ZNF536: variants seen among roughly 807,000 people sequenced by gnomAD.
ZNF536 encodes the protein zinc finger protein 536.
In ZNF536, 13 loss-of-function variants were observed where a neutral mutation model predicts 84.5. The observed-to-expected ratio is 0.15, with a 90% confidence interval of 0.10 to 0.24. The LOEUF is 0.24. ZNF536 is among the 10% of genes least tolerant of loss of function. ZNF536 has a pLI of 1.00. For missense variants in ZNF536, 1,536 were observed against 1,747.5 expected, an observed-to-expected ratio of 0.88 and a Z score of 2.16; for synonymous variants, 811 against 742.5, an observed-to-expected ratio of 1.09 and a Z score of -1.50.
At position 30,236,607 on chromosome 19, in the gene ZNF536, A is replaced by G. The variant is rs191076750; in HGVS notation, c.-190+7934A>G. Among the ~76,000 whole-genome samples the G allele has an allele frequency of 3.3e-5, 5 of 152,270 alleles. No homozygotes were observed. In the East Asian group the frequency reaches 7.7e-4, roughly 24 times the overall value. On this transcript the variant is annotated intron_variant, in intron 1 of 5. Transcript: ENST00000585628. ...TGAAGGCAGAAGAAGTACAGACAAG[A>G]TAACATGAACATTTCCATCATCTAA... is the stretch of plus-strand genomic sequence containing the variant.
At chr19:30,337,218 G>T (rs962192514) in intron 2 of ZNF536, among the ~76,000 whole-genome samples, 2 of 152,166 alleles carry the variant, frequency 1.3e-5, no homozygotes, top group African/African-American at 4.8e-5. Context: ...GAAAGCCAAG[G>T]CTGGCACTGG....
intron 1 of ZNF536, among the ~76,000 whole-genome samples, chr19:30,666,227 G>A (rs1157490674): frequency 1.7e-4 from 26 of 152,224 alleles, no homozygotes; most frequent in Admixed American, 1.7e-3. Context: ...CCTCCCAGCA[G>A]CAGGTGCACT....
chr19:30,461,937 C>G (rs1204419538), intron 2 of ZNF536, among the ~76,000 whole-genome samples: 1 of 152,130 alleles, frequency 6.6e-6, no homozygotes, highest in African/African-American at 2.4e-5. Flanking sequence ...CCACCCCCAC[C>G]CCTTCTCCAG....
At chr19:30,451,000 C>T (rs1252937581) in intron 2 of ZNF536, among the ~76,000 whole-genome samples, 3 of 152,280 alleles carry the variant, frequency 2.0e-5, no homozygotes, top group Admixed American at 1.3e-4. Flanking sequence ...TGCAGGCGGC[C>T]GCCGTGTTTG....
intron 1 of ZNF536, among the ~76,000 whole-genome samples, chr19:30,439,959 CTTTTTTT>C (rs199638233): frequency 1.8e-3 from 172 of 96,392 alleles, no homozygotes; most frequent in African/African-American, 6.8e-3. Flanking sequence ...TTCTTTCTTT[CTTTTTTT>C]TTTTTTTTTT....
chr19:30,565,316 G>T (rs966653486), intron 1 of ZNF536, among the ~76,000 whole-genome samples: 1 of 152,164 alleles, frequency 6.6e-6, no homozygotes, highest in Non-Finnish European at 1.5e-5. Context: ...CTTACCCGGG[G>T]AGAGAGCATG....
intron 1 of ZNF536, among the ~76,000 whole-genome samples, chr19:30,264,392 CCTCTGT>C: frequency 1.2e-5 from 1 of 82,156 alleles, no homozygotes; most frequent in East Asian, 1.1e-3. Flanking sequence ...CGCAGTTGTG[CCTCTGT>C]GTGTGTGTGT....
At chr19:30,497,771 T>C (rs1404472419) in intron 2 of ZNF536, among the ~76,000 whole-genome samples, 1 of 152,168 alleles carries the variant, frequency 6.6e-6, no homozygotes. Flanking sequence ...TGTGGGAACA[T>C]GAGTGTGTGA....
rs368742961 is a variant in ZNF536, at chr19:30,686,628, T to C, written c.170-24129T>C. On this transcript the variant is annotated intron_variant, in intron 1 of 1. Coordinates refer to the ZNF536 transcript ENST00000592773. The stretch of plus-strand genomic sequence containing the variant: ...CTTACCAAGATAATTGAGGATATAA[T>C]GGCGGGGAAGGAGCCCGCCGGCTCC... Among the ~76,000 whole-genome samples the C allele has an allele frequency of 5.2e-4, 79 of 152,320 alleles. 2 individuals are homozygous for C. In the South Asian group the frequency reaches 0.015, roughly 29 times the overall value.
intron 1 of ZNF536, among the ~76,000 whole-genome samples, chr19:30,652,434 G>T (rs1357801573): frequency 6.6e-6 from 1 of 152,158 alleles, no homozygotes; most frequent in Non-Finnish European, 1.5e-5. Flanking sequence ...GTCGTGAATG[G>T]AAGGGAAATG....
At chr19:30,303,269 G>A (rs938458346) in intron 2 of ZNF536, among the ~76,000 whole-genome samples, 11 of 152,132 alleles carry the variant, frequency 7.2e-5, no homozygotes, top group African/African-American at 2.7e-4. Flanking sequence ...GAGGGCAGGC[G>A]CCTTCCTTGT....
At chr19:30,530,877 T>C (rs1268795437) in intron 2 of ZNF536, among the ~76,000 whole-genome samples, 1 of 152,040 alleles carries the variant, frequency 6.6e-6, no homozygotes, top group Non-Finnish European at 1.5e-5. Context: ...CACTCTCAGG[T>C]TCTTGCTGGG....
At chr19:30,705,286 C>T (rs1267181751) in intron 1 of ZNF536, among the ~76,000 whole-genome samples, 1 of 151,526 alleles carries the variant, frequency 6.6e-6, no homozygotes, top group Non-Finnish European at 1.5e-5. Context: ...TCATGGGAGC[C>T]TTTCAGCAAA....
At chr19:30,642,442 G>A (rs970852341) in intron 1 of ZNF536, among the ~76,000 whole-genome samples, 1 of 152,096 alleles carries the variant, frequency 6.6e-6, no homozygotes, top group South Asian at 2.1e-4. Flanking sequence ...TGCCTTCCAG[G>A]TTAAGCCCCA....
At chr19:30,475,065 T>G (rs1568467361) in intron 2 of ZNF536, among the ~76,000 whole-genome samples, 1 of 152,130 alleles carries the variant, frequency 6.6e-6, no homozygotes, top group Non-Finnish European at 1.5e-5. Flanking sequence ...TAACCTTATT[T>G]TTGCGTTATT....
chr19:30,688,464 CACTT>C (rs920075331), intron 1 of ZNF536, among the ~76,000 whole-genome samples: 15 of 152,286 alleles, frequency 9.8e-5, no homozygotes, highest in Middle Eastern at 6.8e-3. Context: ...CAGCATCACT[CACTT>C]AGTTATCTAC....
chr19:30,506,231 G>A (rs1486640308), intron 2 of ZNF536, among the ~76,000 whole-genome samples: 1 of 152,038 alleles, frequency 6.6e-6, no homozygotes, highest in African/African-American at 2.4e-5. Flanking sequence ...AAAAGCTCTG[G>A]AGGGCATTGC....
intron 2 of ZNF536, among the ~76,000 whole-genome samples, chr19:30,336,333 G>A (rs779301909): frequency 1.3e-5 from 2 of 152,226 alleles, no homozygotes; most frequent in Non-Finnish European, 2.9e-5. Context: ...CACATAGTAG[G>A]TGCTCAGTGA....
chr19:30,710,094 T>G (rs574324578), intron 1 of ZNF536, among the ~76,000 whole-genome samples: 1 of 152,380 alleles, frequency 6.6e-6, no homozygotes, highest in Non-Finnish European at 1.5e-5. Flanking sequence ...TTGAGGAATA[T>G]TTGTTTCCTG....
Sources: gnomAD v4.1 joint callset for allele counts (sites outside exome capture counted in the v4.1 genomes callset) on GRCh38, gnomAD v4.1.1 for gene constraint, MANE v1.5 for transcripts, NCBI Gene and HGNC (gene_info 2026-07-23, HGNC 2026-07-21) for gene names.